EVL: variants seen among roughly 807,000 people sequenced by gnomAD.
EVL encodes the protein ena/VASP-like protein.
EVL carries 21 observed loss-of-function variants against 59.6 expected under a neutral mutation model. The ratio of observed to expected loss-of-function variants is 0.35; its 90% CI spans 0.25 to 0.51. EVL has a LOEUF of 0.51. Ranked by LOEUF, EVL falls within the 20% of genes least tolerant of loss-of-function variation. The pLI, the probability that EVL is intolerant of heterozygous loss-of-function variation, is 0.97. For synonymous variants in EVL, 198 were observed against 203.5 expected, an observed-to-expected ratio of 0.97 and a Z score of 0.23; for missense variants, 462 against 546.6, an observed-to-expected ratio of 0.85 and a Z score of 1.54.
At chr14:100,129,734 GC>G in intron 7 of EVL, 50 bp downstream of exon 7, 1 of 1,491,002 alleles carries the variant, frequency 6.7e-7, no homozygotes, top group Admixed American at 2.3e-5. Flanking sequence ...GGAAGCTCCT[GC>G]CCCCGCCCCC....
intron 1 of EVL, among the ~76,000 whole-genome samples, chr14:100,056,751 C>CT (rs1359528937): frequency 6.6e-6 from 1 of 152,082 alleles, no homozygotes; most frequent in Non-Finnish European, 1.5e-5. Flanking sequence ...TCAGCAAACT[C>CT]TAAGCTTGAA....
At chr14:100,098,418 G>A (rs1256614019) in intron 3 of EVL, among the ~76,000 whole-genome samples, 1 of 152,164 alleles carries the variant, frequency 6.6e-6, no homozygotes, top group African/African-American at 2.4e-5. Context: ...CTGGGGCCTG[G>A]AGTGCAGATA....
chr14:100,062,632 A>G (rs2061857877), upstream of EVL, among the ~76,000 whole-genome samples: 2 of 152,220 alleles, frequency 1.3e-5, no homozygotes, highest in South Asian at 2.1e-4. Flanking sequence ...AAATACCCCA[A>G]TTAAAAGATA....
chr14:100,099,777 G>A (rs1886082233), intron 3 of EVL, among the ~76,000 whole-genome samples: 1 of 145,042 alleles, frequency 6.9e-6, no homozygotes, highest in Non-Finnish European at 1.5e-5. Flanking sequence ...GTTTCACTAT[G>A]TTGGCCAGGA....
At chr14:100,073,589 G>A (rs1292888343) in intron 1 of EVL, among the ~76,000 whole-genome samples, 1 of 151,978 alleles carries the variant, frequency 6.6e-6, no homozygotes, top group African/African-American at 2.4e-5. Flanking sequence ...CAAAGTGCTG[G>A]GATTACAGGT....
intron 13 of EVL, among the ~76,000 whole-genome samples, chr14:100,142,932 G>A (rs1441146489): frequency 2.0e-5 from 3 of 151,876 alleles, no homozygotes; most frequent in Admixed American, 2.0e-4. Flanking sequence ...CTGGCTGAGA[G>A]CCCGGGGGTA....
At chr14:100,087,082 G>A (rs1431640838) in intron 2 of EVL, among the ~76,000 whole-genome samples, 7 of 152,182 alleles carry the variant, frequency 4.6e-5, no homozygotes, top group Admixed American at 6.5e-5. Context: ...TATCTTACAT[G>A]TTTAATGCTC....
intron 3 of EVL, chr14:100,107,991 C>G (rs2140338845): frequency 6.6e-6 from 1 of 152,306 alleles, no homozygotes; most frequent in Middle Eastern, 3.4e-3. Context: ...CTCTTTGGCT[C>G]TTGGAGCATA....
Position 100,135,981 on chromosome 14 carries a change from C to T in EVL, c.964+13C>T, listed in dbSNP as rs763122737. 1.7e-5 allele frequency: 27 copies of T among 1,613,250 alleles called. No individual in the cohort carries two copies. The highest frequency in any genetic ancestry group is 2.3e-5 in the Non-Finnish European group (27 of 1,179,974). ...CCTAACTCCTCAGGTGAGAGGGCGC[C>T]CCCCGCTGACCCCAGTGAGGCATGA... On this transcript the variant is annotated intron_variant, in intron 9 of 13. Coordinates refer to ENST00000392920, the MANE Select transcript of EVL (RefSeq NM_016337.3).
At chr14:99,980,392 C>T (rs2060798719) in intron 1 of EVL, among the ~76,000 whole-genome samples, 1 of 152,166 alleles carries the variant, frequency 6.6e-6, no homozygotes, top group African/African-American at 2.4e-5. Flanking sequence ...GAGTGAGAAT[C>T]ACCTCTAATT....
intron 8 of EVL, chr14:100,135,194 A>G (rs553156682): frequency 6.6e-6 from 1 of 152,338 alleles, no homozygotes; most frequent in South Asian, 2.1e-4. Context: ...CACCACACAG[A>G]TACGCAGGGC....
intron 3 of EVL, among the ~76,000 whole-genome samples, chr14:100,104,829 G>A (rs1165923398): frequency 1.3e-5 from 2 of 151,472 alleles, no homozygotes; most frequent in Non-Finnish European, 1.5e-5. Context: ...ATCCCCCGCT[G>A]AGCTGCAGTC....
rs1264821038 is a variant in EVL at position 100,123,530 on chromosome 14, T to G, written c.359-9T>G. On this transcript the variant is annotated splice_polypyrimidine_tract_variant and intron_variant, in intron 3 of 13. Coordinates refer to ENST00000392920, the MANE Select transcript of EVL (RefSeq NM_016337.3). ...TAACCACACTGTTTCTGTGCTTCTC[T>G]GCCCACAGGCCCCTCCAGCCAGCGT... 6 of 1,614,002 alleles carry G rather than the reference T, an allele frequency of 3.7e-6. No individual in the cohort carries two copies. The highest frequency in any genetic ancestry group is 5.1e-6 in the Non-Finnish European group (6 of 1,179,930).
intron 3 of EVL, among the ~76,000 whole-genome samples, chr14:100,113,014 A>G (rs548137747): frequency 1.3e-5 from 2 of 152,324 alleles, no homozygotes; most frequent in South Asian, 2.1e-4. Flanking sequence ...ATGTTATGCT[A>G]TGATGCAGAG....
intron 1 of EVL, among the ~76,000 whole-genome samples, chr14:100,081,836 A>G (rs1826344470): frequency 6.6e-6 from 1 of 152,200 alleles, no homozygotes; most frequent in Non-Finnish European, 1.5e-5. Flanking sequence ...GCAGTGGCTC[A>G]CGCCTGTAAT....
At chr14:100,126,857 G>C (rs1413307434) in intron 5 of EVL, 86 bp downstream of exon 5, 16 of 1,357,514 alleles carry the variant, frequency 1.2e-5, no homozygotes, top group Non-Finnish European at 1.0e-6. Flanking sequence ...GGGACACACG[G>C]GGCGCTCTGT....
intron 1 of EVL, among the ~76,000 whole-genome samples, chr14:100,024,973 C>G (rs2061186942): frequency 6.6e-6 from 1 of 152,106 alleles, no homozygotes; most frequent in African/African-American, 2.4e-5. Flanking sequence ...AGCTCTGTCT[C>G]AGAATATACA....
At position 100,075,350 on chromosome 14, in the gene EVL, G is replaced by A. The variant is rs8011768; in HGVS notation, c.12-9337G>A. Among the ~76,000 whole-genome samples the A allele has an allele frequency of 5.4e-3, 826 of 152,322 alleles. 8 individuals carry two copies. The highest frequency in any genetic ancestry group is 0.019 in the African/African-American group (774 of 41,556). ...TGAGCACCTCAGTGTGGGCTGCTCC[G>A]CTCCCATCCAGGAGGCTCCTTACTG... On this transcript the variant is annotated intron_variant, in intron 1 of 13. Transcript: ENST00000392920.
chr14:99,982,138 C>A (rs1283617513), intron 1 of EVL, among the ~76,000 whole-genome samples: 1 of 152,118 alleles, frequency 6.6e-6, no homozygotes, highest in East Asian at 1.9e-4. Flanking sequence ...TACAGATAAC[C>A]ACATCAAACC....
Sources: allele counts gnomAD v4.1 joint callset (sites outside exome capture counted in the v4.1 genomes callset), GRCh38; gene constraint gnomAD v4.1.1; transcripts MANE v1.5; gene names NCBI Gene and HGNC (gene_info 2026-07-23, HGNC 2026-07-21).